REDIC1: variants seen among roughly 807,000 people sequenced by gnomAD.
REDIC1 encodes regulator of DNA class I crossover intermediates 1, also known as HEI10 Interacting Protein 1.
the REDIC1 span, among the ~76,000 whole-genome samples, chr12:39,826,005 T>G: frequency 6.6e-6 from 1 of 152,156 alleles, no homozygotes; most frequent in African/African-American, 2.4e-5. Context: ...TATCTTTCTG[T>G]TGTTTTGTAG....
chr12:39,799,454 CA>C, the REDIC1 span, among the ~76,000 whole-genome samples: 112,612 of 151,464 alleles, frequency 0.74, 42,628 homozygotes, highest in Non-Finnish European at 0.82. Flanking sequence ...CTACACGGCG[CA>C]CTTTTACAGA....
the REDIC1 span, among the ~76,000 whole-genome samples, chr12:39,776,407 C>G: frequency 6.6e-6 from 1 of 152,222 alleles, no homozygotes; most frequent in Non-Finnish European, 1.5e-5. Context: ...GGCATAAAGG[C>G]CACCAACAGC....
the REDIC1 span, among the ~76,000 whole-genome samples, chr12:39,678,841 T>C: frequency 1.3e-5 from 2 of 151,944 alleles, no homozygotes; most frequent in Admixed American, 6.6e-5. Flanking sequence ...GAATTAAGAA[T>C]AAGAATTATA....
At chr12:39,797,846 A>T in the REDIC1 span, among the ~76,000 whole-genome samples, 1 of 152,038 alleles carries the variant, frequency 6.6e-6, no homozygotes, top group Non-Finnish European at 1.5e-5. Flanking sequence ...CATAAAAGTT[A>T]TTGTTTTAAT....
the REDIC1 span, among the ~76,000 whole-genome samples, chr12:39,724,319 C>T: frequency 6.6e-6 from 1 of 152,092 alleles, no homozygotes; most frequent in Non-Finnish European, 1.5e-5. Context: ...AACCCACCCC[C>T]AAATTACTGA....
chr12:39,867,350 T>C, the REDIC1 span, among the ~76,000 whole-genome samples: 5 of 152,086 alleles, frequency 3.3e-5, no homozygotes, highest in Non-Finnish European at 5.9e-5. Flanking sequence ...CTAGCACATA[T>C]CCAGTAAGGT....
At chr12:39,653,717 G>A in the REDIC1 span, among the ~76,000 whole-genome samples, 1 of 151,768 alleles carries the variant, frequency 6.6e-6, no homozygotes, top group African/African-American at 2.4e-5. Flanking sequence ...CTGAATAGCA[G>A]TGGCAAGAGC....
the REDIC1 span, among the ~76,000 whole-genome samples, chr12:39,655,530 C>T: frequency 6.6e-6 from 1 of 152,172 alleles, no homozygotes; most frequent in African/African-American, 2.4e-5. Context: ...GACCTCAGGT[C>T]TGGGAGTTTA....
the REDIC1 span, among the ~76,000 whole-genome samples, chr12:39,795,620 A>G: frequency 6.6e-6 from 1 of 152,162 alleles, no homozygotes. Flanking sequence ...TTGGATAGAC[A>G]TTGTTATTTC....
the REDIC1 span, among the ~76,000 whole-genome samples, chr12:39,763,206 A>G: frequency 6.6e-6 from 1 of 152,072 alleles, no homozygotes; most frequent in Non-Finnish European, 1.5e-5. Flanking sequence ...CTAAATATAT[A>G]TCCAGTTTAA....
the REDIC1 span, among the ~76,000 whole-genome samples, chr12:39,845,013 A>T: frequency 6.6e-6 from 1 of 152,070 alleles, no homozygotes; most frequent in Admixed American, 6.6e-5. Context: ...ACCACTTGAT[A>T]AAGTTAAAAA....
At chr12:39,772,223 T>C in the REDIC1 span, among the ~76,000 whole-genome samples, 1 of 152,132 alleles carries the variant, frequency 6.6e-6, no homozygotes, top group Non-Finnish European at 1.5e-5. Flanking sequence ...CTGCATGAGT[T>C]TGTATCTCAG....
At chr12:39,714,339 C>CA in the REDIC1 span, among the ~76,000 whole-genome samples, 58 of 27,994 alleles carry the variant, frequency 2.1e-3, no homozygotes, top group South Asian at 7.4e-3. Flanking sequence ...GTATATATGT[C>CA]TGAATATATG....
the REDIC1 span, among the ~76,000 whole-genome samples, chr12:39,872,966 G>A: frequency 1.3e-5 from 2 of 152,122 alleles, no homozygotes; most frequent in Admixed American, 1.3e-4. Context: ...AAAATCTACA[G>A]TTTGTGAATA....
chr12:39,629,052 T>A, the REDIC1 span, among the ~76,000 whole-genome samples: 7 of 152,062 alleles, frequency 4.6e-5, no homozygotes, highest in Non-Finnish European at 8.8e-5. Flanking sequence ...GCTGTGGAAA[T>A]TCAGAGAAAT....
the REDIC1 span, among the ~76,000 whole-genome samples, chr12:39,669,771 T>A: frequency 5.3e-5 from 8 of 152,174 alleles, no homozygotes; most frequent in Non-Finnish European, 1.0e-4. Flanking sequence ...CCTCCCAGCC[T>A]GGCTGCCGCC....
the REDIC1 span, among the ~76,000 whole-genome samples, chr12:39,797,499 T>C: frequency 6.6e-6 from 1 of 152,190 alleles, no homozygotes; most frequent in African/African-American, 2.4e-5. Context: ...TGACACAAAA[T>C]GAGGAGCTAA....
the REDIC1 span, among the ~76,000 whole-genome samples, chr12:39,743,468 G>T: frequency 1.6e-4 from 24 of 152,202 alleles, no homozygotes; most frequent in Admixed American, 4.6e-4. Context: ...AAATTACAAG[G>T]TATACTAAAA....
chr12:39,749,004 G>A, the REDIC1 span, among the ~76,000 whole-genome samples: 4 of 151,894 alleles, frequency 2.6e-5, no homozygotes, highest in African/African-American at 4.8e-5. Context: ...ATCACAATTA[G>A]AAGAACTAGA....
Sources: allele counts gnomAD v4.1 joint callset (sites outside exome capture counted in the v4.1 genomes callset), GRCh38; gene constraint gnomAD v4.1.1; transcripts MANE v1.5; gene names NCBI Gene and HGNC (gene_info 2026-07-23, HGNC 2026-07-21).